Variants in GRID2 observed in about 807,000 individuals in gnomAD.
GRID2 encodes glutamate receptor ionotropic, delta-2.
GRID2 carries 33 observed loss-of-function variants against 114.8 expected under a neutral mutation model. The observed-to-expected ratio is 0.29, with a 90% CI of 0.22 to 0.38. GRID2 has a LOEUF of 0.38. Among genes scored for constraint, GRID2 ranks in the 10% least tolerant of loss-of-function variants. The pLI, the probability that GRID2 is intolerant of heterozygous loss-of-function variation, is 1.00. For synonymous variants in GRID2, 505 were observed against 449.9 expected (o/e 1.12, Z -1.55); for missense variants, 1,184 against 1,257.7 (o/e 0.94, Z 0.89).
intron 14 of GRID2, among the ~76,000 whole-genome samples, chr4:93,729,701 A>C (rs1057134748): frequency 6.6e-6 from 1 of 151,718 alleles, no homozygotes; most frequent in Non-Finnish European, 1.5e-5. Context: ...GCCCACCACC[A>C]CACCCAGCTA....
At chr4:93,387,693 G>T (rs1764455415) in intron 8 of GRID2, among the ~76,000 whole-genome samples, 1 of 151,990 alleles carries the variant, frequency 6.6e-6, no homozygotes, top group Admixed American at 6.6e-5. Context: ...AGCCAGGTAT[G>T]GTGGTGTGTG....
At chr4:92,961,094 C>T (rs1000310607) in intron 2 of GRID2, among the ~76,000 whole-genome samples, 2 of 151,650 alleles carry the variant, frequency 1.3e-5, no homozygotes, top group Non-Finnish European at 2.9e-5. Flanking sequence ...AATAATTACC[C>T]CCTCCATTCT....
chr4:92,534,904 A>G (rs1725537157), intron 1 of GRID2, among the ~76,000 whole-genome samples: 1 of 152,220 alleles, frequency 6.6e-6, no homozygotes, highest in Non-Finnish European at 1.5e-5. Flanking sequence ...GTAATGAAAT[A>G]GCAGGTTTAT....
At chr4:93,023,937 C>T (rs576633456) in intron 2 of GRID2, among the ~76,000 whole-genome samples, 7 of 151,856 alleles carry the variant, frequency 4.6e-5, no homozygotes, top group Admixed American at 3.3e-4. Flanking sequence ...AAATGTTTTA[C>T]AAAACATTAC....
chr4:93,792,212 T>C (rs759012003), intron 1 of GRID2, among the ~76,000 whole-genome samples: 10 of 152,196 alleles, frequency 6.6e-5, no homozygotes, highest in Admixed American at 2.0e-4. Context: ...ACAAAGACTT[T>C]TGTCAGCAAA....
At position 93,139,641 on chromosome 4, in the gene GRID2, G is replaced by A. The variant is rs562075406; in HGVS notation, c.735+28688G>A. On this transcript the variant is annotated intron_variant, in intron 4 of 15. Coordinates refer to ENST00000282020, the MANE Select transcript of GRID2 (RefSeq NM_001510.4). ...GAGCACACCACGTCCTAAGGCCCCC[G>A]GAAGACTTTTCCCTTACCCTTCCAT... Among the ~76,000 whole-genome samples the A allele has an allele frequency of 5.3e-5, 8 of 151,870 alleles. No homozygotes were observed. In the East Asian group the frequency reaches 7.8e-4, roughly 15 times the overall value.
At chr4:92,514,431 A>G (rs10018444) in intron 1 of GRID2, among the ~76,000 whole-genome samples, 6,277 of 151,942 alleles carry the variant, frequency 0.041, 430 homozygotes, top group African/African-American at 0.14. Context: ...TAATTTACAT[A>G]CATTTTTAGT....
intron 14 of GRID2, among the ~76,000 whole-genome samples, chr4:93,752,110 A>G (rs1185366773): frequency 2.0e-5 from 3 of 152,112 alleles, no homozygotes; most frequent in Non-Finnish European, 4.4e-5. Flanking sequence ...ACTCCACTGT[A>G]TTACTGTGGC....
intron 13 of GRID2, among the ~76,000 whole-genome samples, chr4:93,569,771 CTG>C (rs1409287333): frequency 6.6e-6 from 1 of 152,114 alleles, no homozygotes; most frequent in Non-Finnish European, 1.5e-5. Context: ...CTCAAAGACA[CTG>C]TGATTCTGAC....
At position 92,445,804 on chromosome 4, in the gene GRID2, G is replaced by A. The variant is rs74345816; in HGVS notation, c.88+141060G>A. ...TGAATAATCTTACCTTGGTTAGTGCGTAATTCTAAACTTTTTCCAATTAAC... is the reference window on the plus strand; with the variant it reads ...TGAATAATCTTACCTTGGTTAGTGCATAATTCTAAACTTTTTCCAATTAAC... On this transcript the variant is annotated intron_variant, in intron 1 of 15. Coordinates refer to ENST00000282020, the MANE Select transcript of GRID2 (RefSeq NM_001510.4). 9.9e-3 allele frequency among the ~76,000 whole-genome samples: 1,508 copies of A among 152,286 alleles called. 16 individuals carry two copies. Among genetic ancestry groups the A allele is most frequent in the Non-Finnish European group, 0.016 (1,093 of 68,022 alleles).
At position 92,969,454 on chromosome 4, in the gene GRID2, G is replaced by A. The variant is rs547584690; in HGVS notation, c.245-115541G>A. 9.9e-5 allele frequency among the ~76,000 whole-genome samples: 15 copies of A among 151,574 alleles called. No homozygotes were observed. In the South Asian group the frequency reaches 2.3e-3, roughly 23 times the overall value. Reference sequence around the variant, plus strand: ...TTAAGAGAATGTTTTGGGGATCCATGTTATATAATGAGGGTCTTTGTGGAA... The same window carrying A: ...TTAAGAGAATGTTTTGGGGATCCATATTATATAATGAGGGTCTTTGTGGAA... On this transcript the variant is annotated intron_variant, in intron 2 of 15. Coordinates refer to ENST00000282020, the MANE Select transcript of GRID2 (RefSeq NM_001510.4).
intron 14 of GRID2, among the ~76,000 whole-genome samples, chr4:93,713,453 ATT>A (rs1294968029): frequency 6.7e-6 from 1 of 149,418 alleles, no homozygotes; most frequent in African/African-American, 2.5e-5. Flanking sequence ...TTATTTATTT[ATT>A]TATGCATTCA....
At chr4:92,561,584 A>T (rs1727104655) in intron 1 of GRID2, among the ~76,000 whole-genome samples, 1 of 152,192 alleles carries the variant, frequency 6.6e-6, no homozygotes, top group Non-Finnish European at 1.5e-5. Context: ...TCTTTTAAAT[A>T]TTAATTACAA....
chr4:93,207,328 G>A (rs978792608), intron 4 of GRID2, 76 bp from the exon 5 acceptor site: 3 of 978,296 alleles, frequency 3.1e-6, no homozygotes, highest in Admixed American at 1.7e-5. Context: ...TTTGTCATTT[G>A]CAAAGTATAT....
At chr4:92,314,167 G>C (rs1249470559) in intron 1 of GRID2, among the ~76,000 whole-genome samples, 1 of 151,882 alleles carries the variant, frequency 6.6e-6, no homozygotes, top group African/African-American at 2.4e-5. Flanking sequence ...ATTAACCTGA[G>C]AGACAAGTTT....
chr4:93,215,458 C>T (rs1744094782), intron 5 of GRID2, among the ~76,000 whole-genome samples: 1 of 151,968 alleles, frequency 6.6e-6, no homozygotes, highest in Non-Finnish European at 1.5e-5. Context: ...GAGTAGATTA[C>T]ATAGAATTTA....
At chr4:92,359,814 C>T (rs566472817) in intron 1 of GRID2, among the ~76,000 whole-genome samples, 2 of 152,058 alleles carry the variant, frequency 1.3e-5, no homozygotes, top group South Asian at 4.1e-4. Flanking sequence ...CTTGCCAAAA[C>T]ATTTTTTCCT....
chr4:92,739,645 A>T (rs977927121), intron 2 of GRID2, among the ~76,000 whole-genome samples: 1 of 152,184 alleles, frequency 6.6e-6, no homozygotes, highest in South Asian at 2.1e-4. Context: ...TCAGTTTACC[A>T]TGATTTCCTT....
At chr4:93,151,816 C>A (rs536011063) in intron 4 of GRID2, among the ~76,000 whole-genome samples, 1 of 151,936 alleles carries the variant, frequency 6.6e-6, no homozygotes, top group Non-Finnish European at 1.5e-5. Context: ...ATATTTTAAT[C>A]CAATAATCAC....
Sources: allele counts gnomAD v4.1 joint callset (sites outside exome capture counted in the v4.1 genomes callset), GRCh38; gene constraint gnomAD v4.1.1; transcripts MANE v1.5; gene names NCBI Gene and HGNC (gene_info 2026-07-23, HGNC 2026-07-21).